MEGF11: variants seen among roughly 807,000 people sequenced by gnomAD.
MEGF11 encodes the protein multiple EGF like domains 11.
A neutral mutation model predicts 146.6 loss-of-function variants in MEGF11; 126 were observed. The ratio of observed to expected loss-of-function variants is 0.86; its 90% CI spans 0.74 to 1.00. The LOEUF is 1.00. MEGF11 is among the 50% of genes least tolerant of loss of function. The pLI is 0.00. For synonymous variants in MEGF11, 532 were observed against 583.4 expected, an observed-to-expected ratio of 0.91 and a Z score of 1.27; for missense variants, 1,509 against 1,521.2, an observed-to-expected ratio of 0.99 and a Z score of 0.13.
rs557060222 is a variant in MEGF11, at chr15:65,922,514, C to T, written c.1823-42G>A. ...GATGGTGGTCAGCAGCCCAAGAGAC[C>T]CCAGCCAGCCTAGCTACCCTTCCTG... On this transcript the variant is annotated intron_variant, in intron 14 of 25. Transcript: ENST00000395614. The T allele has an allele frequency of 1.0e-5, 15 of 1,503,940 alleles. No homozygotes were observed. The South Asian group carries it at 1.7e-4, about 17-fold the overall frequency. 93.2% of individuals were successfully genotyped at this position (1,503,940 alleles called of 1,614,324 possible). A position where few individuals can be genotyped will look rare whatever the true frequency, so the allele number is the denominator to read the frequency against.
At position 65,909,768 on chromosome 15, in the gene MEGF11, C is replaced by G; in HGVS notation, c.2868G>C (p.Trp956Cys). 1.9e-6 allele frequency: 3 copies of G among 1,585,448 alleles called. No homozygotes were observed. Among genetic ancestry groups the G allele is most frequent in the Non-Finnish European group, 2.6e-6 (3 of 1,173,540 alleles). Residue 956 changes from tryptophan (W) to cysteine (C), a missense_variant, in exon 22 of 26, where the codon TGG becomes TGC. Coordinates refer to ENST00000395614, the MANE Select transcript of MEGF11 (RefSeq NM_001385028.1). ...ACACGTTCACATAGCTGTAGGGGGT[C>G]CAGCCTGCTGTGTCTCTGTCAAGGG... ...NKSLDRDTAG[W>C]TPYSYVNVLD...
chr15:66,000,448 C>T (rs1172742845), intron 5 of MEGF11, among the ~76,000 whole-genome samples: 3 of 152,096 alleles, frequency 2.0e-5, no homozygotes, highest in Non-Finnish European at 4.4e-5. Context: ...GAAAGGATTG[C>T]TTCAGTCCAG....
chr15:66,052,869 G>T (rs1857178269), intron 5 of MEGF11, among the ~76,000 whole-genome samples: 1 of 152,196 alleles, frequency 6.6e-6, no homozygotes, highest in African/African-American at 2.4e-5. Context: ...CTTGACCAAA[G>T]AAATTAGAAT....
chr15:66,064,165 C>T (rs563030041), intron 5 of MEGF11, among the ~76,000 whole-genome samples: 102 of 152,200 alleles, frequency 6.7e-4, no homozygotes, highest in African/African-American at 2.4e-3. Flanking sequence ...GTCAGGAGTT[C>T]GAGATCAGAT....
intron 1 of MEGF11, among the ~76,000 whole-genome samples, chr15:66,173,208 C>G (rs987908784): frequency 1.3e-5 from 2 of 152,216 alleles, no homozygotes; most frequent in African/African-American, 4.8e-5. Context: ...CCTAGACCAT[C>G]TCTACCACAA....
chr15:66,244,956 AC>A (rs2092273580), intron 1 of MEGF11, among the ~76,000 whole-genome samples: 6 of 152,278 alleles, frequency 3.9e-5, no homozygotes, highest in African/African-American at 1.4e-4. Context: ...CAATAAACAC[AC>A]CAATAAAATG....
rs141965137 is a variant in MEGF11, at chr15:65,963,487, A to G, written c.1112+1421T>C. Reference sequence around the variant, plus strand: ...ATATTGGGTAATTCATATCTCTGATATTGGCTATACAATCAATGGTATGTC... The same window carrying G: ...ATATTGGGTAATTCATATCTCTGATGTTGGCTATACAATCAATGGTATGTC... On this transcript the variant is annotated intron_variant, in intron 9 of 25. Coordinates refer to ENST00000395614, the MANE Select transcript of MEGF11 (RefSeq NM_001385028.1). Among the ~76,000 whole-genome samples, 27 of 151,952 alleles carry G rather than the reference A, an allele frequency of 1.8e-4. No individual in the cohort carries two copies. In the East Asian group the frequency reaches 5.0e-3, roughly 28 times the overall value.
intron 4 of MEGF11, among the ~76,000 whole-genome samples, chr15:66,103,285 T>C (rs1441892699): frequency 6.6e-6 from 1 of 152,242 alleles, no homozygotes; most frequent in African/African-American, 2.4e-5. Context: ...TGCAGGCTAC[T>C]GGCTATAACG....
chr15:65,918,187 G>A (rs1175610125), intron 15 of MEGF11, 93 bp from the exon 16 acceptor site: 1 of 1,558,808 alleles, frequency 6.4e-7, no homozygotes, highest in East Asian at 2.3e-5. Context: ...CCAAGCCACA[G>A]CCATGATCAC....
chr15:66,165,530 C>T (rs1449854538), intron 1 of MEGF11, among the ~76,000 whole-genome samples: 1 of 152,200 alleles, frequency 6.6e-6, no homozygotes, highest in East Asian at 1.9e-4. Flanking sequence ...TTCCCCCTTC[C>T]TCTCTCATTA....
chr15:66,074,581 G>C lies in MEGF11; in HGVS notation c.394+19821C>G, dbSNP rs147177098. ...GATCACCATTTTTAAAAGTTAAATA[G>C]AAGAGATTTTAAAATATCGGTGTGT... On this transcript the variant is annotated intron_variant, in intron 5 of 25. Coordinates refer to ENST00000395614, the MANE Select transcript of MEGF11 (RefSeq NM_001385028.1). Among the ~76,000 whole-genome samples the C allele has an allele frequency of 6.3e-4, 96 of 152,354 alleles. 4 individuals are homozygous for C. In the East Asian group the frequency reaches 0.018, roughly 29 times the overall value.
chr15:65,937,332 T>C (rs753809824), intron 10 of MEGF11, among the ~76,000 whole-genome samples: 3 of 152,196 alleles, frequency 2.0e-5, no homozygotes, highest in Admixed American at 6.5e-5. Context: ...TTGCTTAGCC[T>C]AGCAACTCTG....
chr15:66,005,838 C>G (rs756239785), intron 5 of MEGF11, among the ~76,000 whole-genome samples: 1 of 152,182 alleles, frequency 6.6e-6, no homozygotes, highest in South Asian at 2.1e-4. Flanking sequence ...CCTGGCTCAG[C>G]CACTAACATG....
intron 1 of MEGF11, among the ~76,000 whole-genome samples, chr15:66,172,135 G>A (rs1019679090): frequency 6.6e-6 from 1 of 152,288 alleles, no homozygotes; most frequent in East Asian, 1.9e-4. Flanking sequence ...ATGGTCCTCC[G>A]CCTCCTCCAG....
At chr15:66,253,132 C>T (rs1016931907) in intron 1 of MEGF11, among the ~76,000 whole-genome samples, 5 of 152,222 alleles carry the variant, frequency 3.3e-5, no homozygotes, top group Non-Finnish European at 5.9e-5. Context: ...GCTGCGTCCC[C>T]GCAGGCTCTG....
chr15:66,158,839 A>T (rs1693354197), intron 1 of MEGF11, among the ~76,000 whole-genome samples: 1 of 152,200 alleles, frequency 6.6e-6, no homozygotes, highest in African/African-American at 2.4e-5. Flanking sequence ...CCCACATTTT[A>T]AAACAGGCCA....
intron 21 of MEGF11, among the ~76,000 whole-genome samples, chr15:65,911,312 T>C (rs974901374): frequency 1.5e-4 from 23 of 152,210 alleles, no homozygotes; most frequent in Non-Finnish European, 2.6e-4. Flanking sequence ...AAAAGAAACA[T>C]TGTGAGGTGG....
intron 18 of MEGF11, among the ~76,000 whole-genome samples, chr15:65,915,863 A>T (rs1428018590): frequency 6.6e-6 from 1 of 152,018 alleles, no homozygotes; most frequent in Non-Finnish European, 1.5e-5. Flanking sequence ...TCTGAATGCC[A>T]TAGGGACTTT....
At position 66,077,661 on chromosome 15, in the gene MEGF11, G is replaced by A. The variant is rs147018760; in HGVS notation, c.394+16741C>T. On this transcript the variant is annotated intron_variant, in intron 5 of 25. Transcript: ENST00000395614. ...TCCAGGTCATAGAGACAAGAAAGACGTGGGTCCTGCATGAAGAGGCCTCAG... is the reference window on the plus strand; with the variant it reads ...TCCAGGTCATAGAGACAAGAAAGACATGGGTCCTGCATGAAGAGGCCTCAG... Among the ~76,000 whole-genome samples, 477 of 152,342 alleles carry A rather than the reference G, an allele frequency of 3.1e-3. 1 individual carries two copies. Among genetic ancestry groups the A allele is most frequent in the African/African-American group, 5.7e-3 (237 of 41,588 alleles).
Sources: gnomAD v4.1 joint callset for allele counts (sites outside exome capture counted in the v4.1 genomes callset) on GRCh38, gnomAD v4.1.1 for gene constraint, MANE v1.5 for transcripts, NCBI Gene and HGNC (gene_info 2026-07-23, HGNC 2026-07-21) for gene names.